Variants in STPG1 observed in about 807,000 individuals in gnomAD.
STPG1 encodes sperm tail PG-rich repeat containing 1, also known as O(6)-methylguanine-induced apoptosis 2.
A neutral mutation model predicts 40.1 loss-of-function variants in STPG1; 33 were observed. That is an observed-to-expected ratio of 0.82 (90% CI 0.62 to 1.10). The LOEUF (loss-of-function observed/expected upper bound fraction) is 1.10, where lower values mean the gene tolerates loss of function less well. Ranked by LOEUF, STPG1 falls within the 50% of genes least tolerant of loss-of-function variation. The pLI is 0.00. For missense variants in STPG1, 396 were observed against 415.1 expected, an observed-to-expected ratio of 0.95 and a Z score of 0.40; for synonymous variants, 150 against 155.0, an observed-to-expected ratio of 0.97 and a Z score of 0.24.
chr1:24,397,339 G>A (rs1431386194), intron 2 of STPG1, among the ~76,000 whole-genome samples: 1 of 152,076 alleles, frequency 6.6e-6, no homozygotes, highest in African/African-American at 2.4e-5. Context: ...GACCTAATTG[G>A]CATTTATAGA....
chr1:24,374,085 C>T (rs1286396314), intron 5 of STPG1, among the ~76,000 whole-genome samples: 1 of 152,088 alleles, frequency 6.6e-6, no homozygotes, highest in Admixed American at 6.5e-5. Flanking sequence ...TCCAGGCTCA[C>T]TTCTGCTAAG....
intron 6 of STPG1, among the ~76,000 whole-genome samples, chr1:24,371,948 C>A (rs1042725461): frequency 2.6e-5 from 4 of 152,072 alleles, no homozygotes; most frequent in Non-Finnish European, 1.5e-5. Flanking sequence ...GAGGCCGAGG[C>A]AGACGGATCA....
chr1:24,379,654 T>C lies in STPG1; in HGVS notation c.461A>G (p.Asn154Ser), dbSNP rs145625712. Residue 154 changes from asparagine (N) to serine (S), a missense_variant and splice_region_variant, in exon 5 of 9, where the codon AAT becomes AGT. Physicochemically the swap from Asn to Ser is conservative, Grantham distance 46. Coordinates refer to ENST00000337248, the MANE Select transcript of STPG1 (RefSeq NM_001199013.2). The part of the protein sequence containing the change: ...KFETPAPNYY[N>S]ASVSCCKQRN... The stretch of plus-strand genomic sequence containing the variant: ...AGCAAGCATAGGCAGAGTTCTTACA[T>C]TGTAATAGTTTGGTGCAGGAGTTTC... 1,044 of 1,614,078 alleles carry C rather than the reference T, an allele frequency of 6.5e-4. 21 individuals are homozygous for C. The Admixed American group carries it at 0.015, about 23-fold the overall frequency.
chr1:24,411,228 C>T (rs1643614957), intron 1 of STPG1, among the ~76,000 whole-genome samples: 1 of 152,128 alleles, frequency 6.6e-6, no homozygotes, highest in South Asian at 2.1e-4. Context: ...GAGGTATAAT[C>T]CCCACTTTTT....
chr1:24,401,232 G>C, intron 2 of STPG1, 87 bp downstream of exon 2: 1 of 1,186,862 alleles, frequency 8.4e-7, no homozygotes, highest in South Asian at 1.3e-5. Context: ...ATATAACCCA[G>C]GACTTACTAT....
intron 7 of STPG1, among the ~76,000 whole-genome samples, chr1:24,366,002 G>A (rs1323848597): frequency 1.3e-5 from 2 of 152,180 alleles, no homozygotes; most frequent in East Asian, 3.9e-4. Context: ...TCCTCTCACG[G>A]CTGGGCTTTA....
chr1:24,414,223 T>G (rs72880692), upstream of STPG1: 35,111 of 151,966 alleles, frequency 0.23, 4,604 homozygotes, highest in East Asian at 0.46. Flanking sequence ...TTTTTGTATT[T>G]TTAGTAGAGA....
At position 24,399,873 on chromosome 1, in the gene STPG1, A is replaced by C. The variant is rs1367290253; in HGVS notation, c.70+1446T>G. ...TGCAAATTAAAACTATTATGAGCTT[A>C]AAATGTTGGTGAGGATTTGGAGCAG... On this transcript the variant is annotated intron_variant, in intron 2 of 8. Transcript: ENST00000337248. This position sits in a 1 kb window ranked among gnomAD's most constrained non-coding sequence, Gnocchi z 4.0. Among the ~76,000 whole-genome samples, 1 of 152,210 alleles carries C rather than the reference A, an allele frequency of 6.6e-6. No homozygotes were observed. Among genetic ancestry groups the C allele is most frequent in the Non-Finnish European group, 1.5e-5 (1 of 68,028 alleles).
At chr1:24,361,670 G>T (rs1043862669) in intron 7 of STPG1, among the ~76,000 whole-genome samples, 1 of 152,152 alleles carries the variant, frequency 6.6e-6, no homozygotes, top group South Asian at 2.1e-4. Context: ...GAAATCAAGA[G>T]ACTCTGCATA....
chr1:24,370,627 G>A (rs2148686296), intron 6 of STPG1, among the ~76,000 whole-genome samples: 1 of 152,202 alleles, frequency 6.6e-6, no homozygotes, highest in East Asian at 1.9e-4. Context: ...AAGTAGCTGG[G>A]ACTACAGATG....
chr1:24,360,399 C>T (rs1255395968), intron 8 of STPG1, among the ~76,000 whole-genome samples: 2 of 152,146 alleles, frequency 1.3e-5, no homozygotes, highest in Non-Finnish European at 2.9e-5. Flanking sequence ...TGAGCCAAGA[C>T]CGCACTACTG....
intron 3 of STPG1, among the ~76,000 whole-genome samples, chr1:24,388,221 G>C (rs1642598323): frequency 6.6e-6 from 1 of 152,266 alleles, no homozygotes; most frequent in South Asian, 2.1e-4. Context: ...ACATTAAGTG[G>C]TGTCCTTAGG....
chr1:24,380,336 TC>T (rs1167773269), intron 4 of STPG1, among the ~76,000 whole-genome samples: 4 of 152,308 alleles, frequency 2.6e-5, no homozygotes, highest in Admixed American at 1.3e-4. Context: ...TTTCATCAAA[TC>T]CTACAGTATT....
chr1:24,383,631 A>C (rs1395658077), intron 4 of STPG1, among the ~76,000 whole-genome samples: 1 of 152,224 alleles, frequency 6.6e-6, no homozygotes, highest in Non-Finnish European at 1.5e-5. Flanking sequence ...TGCTTAGTGC[A>C]CTCAGTGATA....
In STPG1 at chr1:24,384,020, G is replaced by A. The variant is rs775213733; in HGVS notation, c.190-17C>T. On this transcript the variant is annotated splice_polypyrimidine_tract_variant and intron_variant, in intron 3 of 8. Coordinates refer to ENST00000337248, the MANE Select transcript of STPG1 (RefSeq NM_001199013.2). ...GATATCATTCTGAAAGGGAAGAGAAGGTGGTGTCATCGAGATACTTCAATT... is the reference window on the plus strand; with the variant it reads ...GATATCATTCTGAAAGGGAAGAGAAAGTGGTGTCATCGAGATACTTCAATT... 4.6e-6 allele frequency: 7 copies of A among 1,511,218 alleles called. No individual in the cohort carries two copies. In the South Asian group the frequency reaches 7.9e-5, roughly 17 times the overall value. 93.6% of individuals were successfully genotyped at this position (1,511,218 alleles called of 1,614,324 possible).
chr1:24,414,248 G>T (rs1408045205), upstream of STPG1: 2 of 151,674 alleles, frequency 1.3e-5, no homozygotes, highest in Non-Finnish European at 2.9e-5. Context: ...GTTTCACCAC[G>T]TTGGCCAGGC....
At position 24,408,929 on chromosome 1, in the gene STPG1, A is replaced by G. The variant is rs571568541; in HGVS notation, c.-69+4745T>C. Reference sequence around the variant, plus strand: ...AATTTTCAACTTTTTTTTGGTGGACAATCTATACTAAAAATTTGATATTTA... The same window carrying G: ...AATTTTCAACTTTTTTTTGGTGGACGATCTATACTAAAAATTTGATATTTA... On this transcript the variant is annotated intron_variant, in intron 1 of 8. Coordinates refer to ENST00000337248, the MANE Select transcript of STPG1 (RefSeq NM_001199013.2). 5.9e-5 allele frequency among the ~76,000 whole-genome samples: 9 copies of G among 152,326 alleles called. No homozygotes were observed. The South Asian group carries it at 1.7e-3, about 28-fold the overall frequency.
Position 24,357,055 on chromosome 1 carries a change from C to CA in STPG1, c.*1487_*1488insT, listed in dbSNP as rs1010048918. 2 of 130,072 alleles carry CA rather than the reference C, an allele frequency of 1.5e-5. No individual in the cohort carries two copies. Among genetic ancestry groups the CA allele is most frequent in the South Asian group, 2.6e-4 (1 of 3,820 alleles). The allele number at this position is 130,072 out of a possible 1,614,324, so 8.1% of individuals were successfully genotyped here. ...TATTTTTAAAATTAAGGCCCCCCCC[C>CA]CCAAAAAAAAAATCCATGGTGAACA... On this transcript the variant is annotated 3_prime_UTR_variant, in exon 9 of 9. Coordinates refer to ENST00000337248, the MANE Select transcript of STPG1 (RefSeq NM_001199013.2).
At position 24,380,352 on chromosome 1, in the gene STPG1, C is replaced by T. The variant is rs146655863; in HGVS notation, c.292-529G>A. 1.6e-4 allele frequency among the ~76,000 whole-genome samples: 25 copies of T among 152,282 alleles called. No individual in the cohort carries two copies. In the East Asian group the frequency reaches 3.7e-3, roughly 22 times the overall value. ...TTCATCAAATCCTACAGTATTTTCA[C>T]GGTTTAACAGAACCAATCCCACCCT... On this transcript the variant is annotated intron_variant, in intron 4 of 8. Transcript: ENST00000337248.
Sources: gnomAD v4.1 joint callset for allele counts (sites outside exome capture counted in the v4.1 genomes callset) on GRCh38, gnomAD v4.1.1 for gene constraint, Gnocchi (gnomAD v3.1) non-coding constraint, MANE v1.5 for transcripts, NCBI Gene and HGNC (gene_info 2026-07-23, HGNC 2026-07-21) for gene names.